Variants in COL22A1 observed in about 807,000 individuals in gnomAD.
COL22A1 encodes the protein collagen alpha-1(XXII) chain.
A neutral mutation model predicts 248.9 loss-of-function variants in COL22A1; 221 were observed. The observed-to-expected ratio is 0.89, with a 90% CI of 0.80 to 0.99. COL22A1 has a LOEUF of 0.99. Among genes scored for constraint, COL22A1 ranks in the 50% least tolerant of loss-of-function variants. COL22A1 has a pLI of 0.00. For missense variants in COL22A1, 2,240 were observed against 2,179.0 expected, an observed-to-expected ratio of 1.03 and a Z score of -0.56; for synonymous variants, 891 against 793.4, an observed-to-expected ratio of 1.12 and a Z score of -2.07.
chr8:138,628,879 C>T (rs1360789990), intron 50 of COL22A1, among the ~76,000 whole-genome samples: 1 of 151,278 alleles, frequency 6.6e-6, no homozygotes, highest in Non-Finnish European at 1.5e-5. Flanking sequence ...GATTCTCCTG[C>T]CTCACTGTCC....
At chr8:138,826,928 C>T in intron 5 of COL22A1, 147 bp from the exon 6 acceptor site, 3 of 970,112 alleles carry the variant, frequency 3.1e-6, no homozygotes, top group South Asian at 1.6e-5. Flanking sequence ...CCTGCCTTCA[C>T]TGCCTTCTCC....
intron 44 of COL22A1, among the ~76,000 whole-genome samples, chr8:138,659,504 C>T (rs781432443): frequency 4.6e-5 from 7 of 152,176 alleles, no homozygotes; most frequent in Non-Finnish European, 7.3e-5. Flanking sequence ...TTGAGGCCTG[C>T]GATTCCCCAG....
intron 50 of COL22A1, among the ~76,000 whole-genome samples, chr8:138,627,192 T>C (rs1325080805): frequency 6.6e-6 from 1 of 152,216 alleles, no homozygotes. Flanking sequence ...AAGACAAAGA[T>C]GGAGTTATTA....
At chr8:138,734,513 C>T (rs1260116654) in intron 23 of COL22A1, among the ~76,000 whole-genome samples, 1 of 152,192 alleles carries the variant, frequency 6.6e-6, no homozygotes, top group Non-Finnish European at 1.5e-5. Flanking sequence ...GAGGAAATGG[C>T]TGAGATGCAT....
intron 31 of COL22A1, among the ~76,000 whole-genome samples, chr8:138,701,769 G>A (rs1174613909): frequency 6.6e-6 from 1 of 152,242 alleles, no homozygotes; most frequent in South Asian, 2.1e-4. Context: ...TGAATGTCAG[G>A]ACAGAAACTG....
intron 30 of COL22A1, among the ~76,000 whole-genome samples, chr8:138,714,410 G>A (rs2131081434): frequency 6.6e-6 from 1 of 152,306 alleles, no homozygotes. Context: ...AGTAGGAGAT[G>A]GAGAGGACAG....
At chr8:138,719,369 G>A (rs750742863) in intron 27 of COL22A1, among the ~76,000 whole-genome samples, 5 of 151,994 alleles carry the variant, frequency 3.3e-5, no homozygotes, top group Non-Finnish European at 5.9e-5. Context: ...AGTGTCTGTC[G>A]GTGGCCATGG....
chr8:138,771,003 A>G (rs1464285419), intron 16 of COL22A1, among the ~76,000 whole-genome samples: 1 of 152,160 alleles, frequency 6.6e-6, no homozygotes, highest in Non-Finnish European at 1.5e-5. Context: ...AGATAAAATT[A>G]CTCTCTGCAG....
At chr8:138,862,562 T>C (rs1822565049) in intron 3 of COL22A1, among the ~76,000 whole-genome samples, 1 of 152,048 alleles carries the variant, frequency 6.6e-6, no homozygotes, top group Admixed American at 6.5e-5. Flanking sequence ...ACTGTGTTTA[T>C]GTCCTACAGA....
intron 23 of COL22A1, among the ~76,000 whole-genome samples, chr8:138,728,366 A>G (rs1490341956): frequency 6.6e-6 from 1 of 152,092 alleles, no homozygotes; most frequent in East Asian, 1.9e-4. Context: ...TAGCACCCCA[A>G]GCCCACAGAG....
At chr8:138,589,896 T>C (rs1816892665) in intron 64 of COL22A1, among the ~76,000 whole-genome samples, 1 of 152,150 alleles carries the variant, frequency 6.6e-6, no homozygotes, top group African/African-American at 2.4e-5. Flanking sequence ...TTGTGTAACA[T>C]CCAACTTGTT....
rs1161304970 is a variant in COL22A1, at chr8:138,725,409, G to A, written c.2171C>T (p.Pro724Leu). 5.0e-6 allele frequency: 8 copies of A among 1,614,046 alleles called. No individual in the cohort carries two copies. The highest frequency in any genetic ancestry group is 4.5e-5 in the East Asian group (2 of 44,862). ...TACCGGAGAACCTCCCGGTCCAGGG[G>A]GGCCTGGGACACCAGGGGGTCCTGG... ...GPPGPPGVPG[P>L]PGPGGSPGLP... Residue 724 changes from proline to leucine, a missense_variant, in exon 24 of 65, where the codon CCC (proline) becomes CTC (leucine). Physicochemically the swap from Pro to Leu is moderately conservative, Grantham distance 98. Coordinates refer to ENST00000303045, the MANE Select transcript of COL22A1 (RefSeq NM_152888.3).
chr8:138,725,049 G>C (rs145617311), intron 24 of COL22A1, among the ~76,000 whole-genome samples: 4 of 152,298 alleles, frequency 2.6e-5, no homozygotes, highest in African/African-American at 9.6e-5. Context: ...GTTAGCAAAT[G>C]CTTGCCCGGG....
At chr8:138,796,456 T>C (rs1816548697) in intron 12 of COL22A1, among the ~76,000 whole-genome samples, 1 of 149,220 alleles carries the variant, frequency 6.7e-6, no homozygotes, top group Admixed American at 6.7e-5. Context: ...TGTAAGTGTA[T>C]CTCTTTGTGT....
At chr8:138,713,468 C>T (rs1829186232) in intron 30 of COL22A1, among the ~76,000 whole-genome samples, 1 of 152,208 alleles carries the variant, frequency 6.6e-6, no homozygotes, top group Non-Finnish European at 1.5e-5. Flanking sequence ...GTATACGGAA[C>T]CCATGATTTC....
Position 138,883,151 on chromosome 8 carries a change from C to T in COL22A1, c.22G>A (p.Ala8Thr), listed in dbSNP as rs758717694. 1.9e-5 allele frequency: 31 copies of T among 1,596,568 alleles called. No homozygotes were observed. In the East Asian group the frequency reaches 3.9e-4, roughly 20 times the overall value. ...AGCATCCAGAGGAGGCCAGCCACAG[C>T]GTTCCCTCGGAGGCCGGCCATGGCT... is the stretch of plus-strand genomic sequence containing the variant. MAGLRGNAVAGLLWMLLL... is the reference protein window; with the variant it reads MAGLRGNTVAGLLWMLLL... Residue 8 changes from alanine to threonine, a missense_variant, in exon 2 of 65, where the codon GCT becomes ACT. By Grantham distance (58) the Ala-to-Thr change is moderately conservative. Coordinates refer to ENST00000303045, the MANE Select transcript of COL22A1 (RefSeq NM_152888.3).
chr8:138,663,037 A>ACACACACACACACACACACACAC (rs764044186), intron 42 of COL22A1, among the ~76,000 whole-genome samples: 2 of 40,544 alleles, frequency 4.9e-5, no homozygotes, highest in East Asian at 9.1e-4. Context: ...CACACACACA[A>ACACACACACACACACACACACAC]AGCAATCCCT....
chr8:138,700,080 A>G (rs4909835), intron 32 of COL22A1, 32 bp downstream of exon 32: 1,606,638 of 1,610,600 alleles, frequency 1, 801,403 homozygotes, highest in East Asian at 1. Context: ...GCCGAGGCAC[A>G]CTGGGCACCC....
chr8:138,601,993 A>T, intron 60 of COL22A1, 122 bp downstream of exon 60: 1 of 961,858 alleles, frequency 1.0e-6, no homozygotes, highest in Non-Finnish European at 1.7e-6. Flanking sequence ...AAATCACTAC[A>T]GGCGGCATGA....
Sources: gnomAD v4.1 joint callset for allele counts (sites outside exome capture counted in the v4.1 genomes callset) on GRCh38, gnomAD v4.1.1 for gene constraint, MANE v1.5 for transcripts, NCBI Gene and HGNC (gene_info 2026-07-23, HGNC 2026-07-21) for gene names.